LRRC7: variants seen among roughly 807,000 people sequenced by gnomAD.
LRRC7 encodes the protein leucine rich repeat containing 7, also known as leucine-rich repeat-containing protein 7.
In LRRC7, 23 loss-of-function variants were observed where a neutral mutation model predicts 175.7. The ratio of observed to expected loss-of-function variants is 0.13; its 90% CI spans 0.09 to 0.19. The LOEUF is 0.19. Among genes scored for constraint, LRRC7 ranks in the 10% least tolerant of loss-of-function variants. The pLI, the probability that LRRC7 is intolerant of heterozygous loss-of-function variation, is 1.00. For synonymous variants in LRRC7, 685 were observed against 680.9 expected (o/e 1.01, Z -0.09); for missense variants, 1,354 against 1,904.7 (o/e 0.71, Z 5.38).
At chr1:69,825,317 C>T (rs1475433553) in intron 4 of LRRC7, among the ~76,000 whole-genome samples, 1 of 152,170 alleles carries the variant, frequency 6.6e-6, no homozygotes, top group African/African-American at 2.4e-5. Flanking sequence ...ATAAGTTCAA[C>T]CTTCCTAACC....
In LRRC7 at chr1:69,994,581, A is replaced by T; in HGVS notation, c.952A>T (p.Thr318Ser). 1.2e-6 allele frequency: 2 copies of T among 1,610,572 alleles called. No individual in the cohort carries two copies. Among genetic ancestry groups the T allele is most frequent in the Admixed American group, 3.3e-5 (2 of 59,864 alleles). Residue 318 changes from threonine (T) to serine (S), a missense_variant, in exon 11 of 27, where the codon ACT (threonine) becomes TCT (serine). By Grantham distance (58) the Thr-to-Ser change is moderately conservative. This residue lies in a region of LRRC7 where 201 missense variants were observed against 481.4 expected (regional missense o/e 0.42). Transcript: ENST00000651989. ...TTTAGGACTTTTGAAAAAACTAACA[A>T]CTCTAAAAGTAGATGACAATCAACT... Reference protein sequence around the residue: ...DSIGLLKKLTTLKVDDNQLTM... With the variant: ...DSIGLLKKLTSLKVDDNQLTM...
At chr1:69,572,757 A>T (rs563018412) in intron 1 of LRRC7, among the ~76,000 whole-genome samples, 49 of 152,148 alleles carry the variant, frequency 3.2e-4, no homozygotes, top group Non-Finnish European at 5.6e-4. Flanking sequence ...TTATAACTGC[A>T]GGACATACCA....
At chr1:69,749,493 A>C (rs532908435) in intron 2 of LRRC7, among the ~76,000 whole-genome samples, 1 of 152,324 alleles carries the variant, frequency 6.6e-6, no homozygotes, top group African/African-American at 2.4e-5. Flanking sequence ...AATGCACACT[A>C]TGACTAGAAA....
intron 1 of LRRC7, among the ~76,000 whole-genome samples, chr1:69,570,155 T>C (rs1356036958): frequency 6.6e-6 from 1 of 151,920 alleles, no homozygotes; most frequent in Non-Finnish European, 1.5e-5. Flanking sequence ...CAATAGAGAT[T>C]TTTATAGCGT....
chr1:69,707,687 C>T lies in LRRC7; in HGVS notation c.100+29209C>T, dbSNP rs565993657. Among the ~76,000 whole-genome samples, 47 of 152,196 alleles carry T rather than the reference C, an allele frequency of 3.1e-4. 2 individuals carry two copies. The highest frequency in any genetic ancestry group is 1.1e-3 in the African/African-American group (47 of 41,524). On this transcript the variant is annotated intron_variant, in intron 2 of 26. Transcript: ENST00000651989. ...TTCCTCACTCTTGTTTCCTTGCCCC[C>T]AAGTCAAACATGCATAATAAAAATG...
At chr1:69,855,272 A>C (rs986984565) in intron 7 of LRRC7, among the ~76,000 whole-genome samples, 46 of 152,232 alleles carry the variant, frequency 3.0e-4, no homozygotes, top group African/African-American at 1.1e-3. Flanking sequence ...TAGTGCTATA[A>C]ATTTCCCTCT....
chr1:69,624,275 T>C (rs1651126443), intron 1 of LRRC7, among the ~76,000 whole-genome samples: 1 of 152,208 alleles, frequency 6.6e-6, no homozygotes, highest in Non-Finnish European at 1.5e-5. Context: ...TGATAACTAA[T>C]GATATTGAGC....
chr1:69,924,620 G>C (rs1330105361), intron 7 of LRRC7, among the ~76,000 whole-genome samples: 1 of 152,240 alleles, frequency 6.6e-6, no homozygotes, highest in Non-Finnish European at 1.5e-5. Flanking sequence ...TGGTGTATAA[G>C]AATGCTTGTG....
At chr1:69,571,591 A>G (rs1645741226) in intron 1 of LRRC7, among the ~76,000 whole-genome samples, 1 of 152,182 alleles carries the variant, frequency 6.6e-6, no homozygotes, top group East Asian at 1.9e-4. Flanking sequence ...AATATTTGAT[A>G]CAAAAACTTG....
intron 8 of LRRC7, among the ~76,000 whole-genome samples, chr1:69,979,538 G>A (rs1378896056): frequency 1.3e-5 from 2 of 151,988 alleles, no homozygotes; most frequent in Admixed American, 6.6e-5. Flanking sequence ...CCTATATGCT[G>A]CCTTGGTTTT....
rs1403765145 is a variant in LRRC7, at chr1:70,139,078, A to G, written c.*17191A>G. ...AGGTTATTCTAATGCTTCCTACTGCAAAAACCAAGCCCACAAGTCTCCAAT... is the reference window on the plus strand; with the variant it reads ...AGGTTATTCTAATGCTTCCTACTGCGAAAACCAAGCCCACAAGTCTCCAAT... On this transcript the variant is annotated 3_prime_UTR_variant, in exon 27 of 27. Transcript: ENST00000651989. The G allele has an allele frequency of 6.6e-6, 1 of 152,196 alleles. No homozygotes were observed. Among genetic ancestry groups the G allele is most frequent in the Non-Finnish European group, 1.5e-5 (1 of 68,014 alleles). 9.4% of individuals were successfully genotyped at this position (152,196 alleles called of 1,614,324 possible).
chr1:69,793,003 G>A (rs1675297023), intron 4 of LRRC7, among the ~76,000 whole-genome samples: 1 of 151,958 alleles, frequency 6.6e-6, no homozygotes, highest in Non-Finnish European at 1.5e-5. Flanking sequence ...TATAAAATAG[G>A]ACCCCTTCAT....
At chr1:70,058,371 A>G (rs1256093224) in intron 23 of LRRC7, among the ~76,000 whole-genome samples, 2 of 152,166 alleles carry the variant, frequency 1.3e-5, no homozygotes, top group East Asian at 1.9e-4. Context: ...CTAGAAGAAC[A>G]TTTTATAGCT....
At chr1:69,812,641 G>A (rs1319433528) in intron 4 of LRRC7, among the ~76,000 whole-genome samples, 5 of 151,954 alleles carry the variant, frequency 3.3e-5, no homozygotes, top group African/African-American at 1.2e-4. Context: ...CATATGAGAG[G>A]TATCATTAGG....
intron 4 of LRRC7, among the ~76,000 whole-genome samples, chr1:69,806,090 C>T (rs1441161833): frequency 6.6e-6 from 1 of 151,934 alleles, no homozygotes; most frequent in Non-Finnish European, 1.5e-5. Context: ...TGCTACCTTG[C>T]AGCTTCAGTG....
intron 18 of LRRC7, among the ~76,000 whole-genome samples, chr1:70,034,375 A>T (rs956802294): frequency 2.1e-5 from 2 of 93,058 alleles, no homozygotes; most frequent in African/African-American, 8.4e-5. Flanking sequence ...AGGATTTATA[A>T]AAAAAAAAGT....
At chr1:69,781,794 G>C (rs375877008) in intron 3 of LRRC7, among the ~76,000 whole-genome samples, 18 of 29,116 alleles carry the variant, frequency 6.2e-4, no homozygotes, top group Non-Finnish European at 1.0e-3. Flanking sequence ...AGAAAGGAAG[G>C]AAGGAAGGAA....
chr1:69,712,813 A>T (rs1346619401), intron 2 of LRRC7, among the ~76,000 whole-genome samples: 1 of 152,176 alleles, frequency 6.6e-6, no homozygotes, highest in Non-Finnish European at 1.5e-5. Context: ...TCTTGTATGA[A>T]GGAGTGGGGT....
chr1:69,921,436 C>T (rs1646885495), intron 7 of LRRC7, among the ~76,000 whole-genome samples: 1 of 152,120 alleles, frequency 6.6e-6, no homozygotes. Context: ...TACATTCAAC[C>T]TATCTCCACC....
Sources: gnomAD v4.1 joint callset for allele counts (sites outside exome capture counted in the v4.1 genomes callset) on GRCh38, gnomAD v4.1.1 for gene constraint, gnomAD v4.1.1 regional missense constraint, MANE v1.5 for transcripts, NCBI Gene and HGNC (gene_info 2026-07-23, HGNC 2026-07-21) for gene names.